Variants in ADTRP observed in about 807,000 individuals in gnomAD.
The protein encoded by ADTRP is androgen-dependent TFPI-regulating protein.
In ADTRP, 20 loss-of-function variants were observed where a neutral mutation model predicts 27.0. The observed-to-expected ratio is 0.74, with a 90% CI of 0.52 to 1.08. The LOEUF is 1.08. Ranked by LOEUF, ADTRP falls within the 50% of genes least tolerant of loss-of-function variation. The probability of loss-of-function intolerance (pLI) is 0.00; values close to 1 mark genes in which losing one functional copy is unlikely to be tolerated. For missense variants in ADTRP, 251 were observed against 275.0 expected (o/e 0.91, Z 0.62); for synonymous variants, 101 against 105.2 (o/e 0.96, Z 0.25).
chr6:11,771,084 A>C (rs1763760498), intron 1 of ADTRP, among the ~76,000 whole-genome samples: 1 of 152,192 alleles, frequency 6.6e-6, no homozygotes, highest in South Asian at 2.1e-4. Context: ...TGCCTCTCCC[A>C]GTCACAGGAT....
At chr6:11,715,806 CTTTTTTTTTT>C (rs55961408) in intron 5 of ADTRP, among the ~76,000 whole-genome samples, 3 of 77,728 alleles carry the variant, frequency 3.9e-5, no homozygotes, top group Non-Finnish European at 6.6e-5. Context: ...CCATGCCCAG[CTTTTTTTTTT>C]TTTTTTTTTT....
intron 3 of ADTRP, among the ~76,000 whole-genome samples, chr6:11,757,709 A>G (rs1437521025): frequency 6.6e-6 from 1 of 152,208 alleles, no homozygotes; most frequent in Non-Finnish European, 1.5e-5. Context: ...AACAGGGGAA[A>G]TGTCATGTGA....
chr6:11,716,503 G>C (rs188346103), intron 5 of ADTRP, among the ~76,000 whole-genome samples: 1 of 152,208 alleles, frequency 6.6e-6, no homozygotes, highest in Admixed American at 6.5e-5. Context: ...AGAAGGCACT[G>C]TTCCCAAATG....
intron 4 of ADTRP, among the ~76,000 whole-genome samples, chr6:11,734,966 G>A (rs1196196869): frequency 6.6e-6 from 1 of 152,188 alleles, no homozygotes; most frequent in African/African-American, 2.4e-5. Context: ...TGGGTGAAAG[G>A]CCAAGCACGT....
chr6:11,762,391 T>C (rs1186988316), intron 3 of ADTRP, among the ~76,000 whole-genome samples: 1 of 152,234 alleles, frequency 6.6e-6, no homozygotes, highest in Non-Finnish European at 1.5e-5. Context: ...GATTTAAGAT[T>C]GCTAGATGTC....
At chr6:11,755,172 T>A in intron 3 of ADTRP, 2 of 639,444 alleles carry the variant, frequency 3.1e-6, no homozygotes, top group Non-Finnish European at 3.9e-6. Flanking sequence ...TAATTTTAAT[T>A]ACTAAAATTC....
intron 3 of ADTRP, chr6:11,735,968 T>G (rs1581328384): frequency 5.3e-5 from 14 of 264,736 alleles, no homozygotes; most frequent in Non-Finnish European, 5.9e-5. Flanking sequence ...TTGGCGGGGG[T>G]GGGGGGTGGA....
intron 5 of ADTRP, chr6:11,717,162 T>C (rs1761859662): frequency 2.4e-6 from 2 of 850,566 alleles, no homozygotes; most frequent in Non-Finnish European, 3.1e-6. Flanking sequence ...ATTATAAATA[T>C]TTTCTTGATT....
At chr6:11,753,875 G>T (rs1024635477) in intron 3 of ADTRP, among the ~76,000 whole-genome samples, 10 of 152,188 alleles carry the variant, frequency 6.6e-5, no homozygotes, top group Non-Finnish European at 1.0e-4. Flanking sequence ...CTCCTGATCA[G>T]TAGGCCTGTT....
chr6:11,768,213 T>C, intron 2 of ADTRP, 36 bp downstream of exon 2: 1 of 1,611,950 alleles, frequency 6.2e-7, no homozygotes, highest in Non-Finnish European at 8.5e-7. Flanking sequence ...CATATGCACA[T>C]TTCTGTTAGA....
intron 3 of ADTRP, among the ~76,000 whole-genome samples, chr6:11,762,174 A>G (rs1344751060): frequency 6.6e-6 from 1 of 152,212 alleles, no homozygotes; most frequent in African/African-American, 2.4e-5. Context: ...CATCCCTGGG[A>G]GACGGCTCAA....
At chr6:11,760,827 T>C (rs1222297951) in intron 3 of ADTRP, among the ~76,000 whole-genome samples, 2 of 152,224 alleles carry the variant, frequency 1.3e-5, no homozygotes, top group African/African-American at 4.8e-5. Flanking sequence ...ACTCCTTCCC[T>C]GTGGCTTAGG....
intron 4 of ADTRP, among the ~76,000 whole-genome samples, chr6:11,734,772 A>G (rs1279658766): frequency 6.6e-6 from 1 of 152,192 alleles, no homozygotes; most frequent in Non-Finnish European, 1.5e-5. Flanking sequence ...ACTTCCCCGC[A>G]TATAGGGATC....
intron 3 of ADTRP, among the ~76,000 whole-genome samples, chr6:11,765,910 T>G (rs1763556563): frequency 6.7e-6 from 1 of 150,014 alleles, no homozygotes; most frequent in Non-Finnish European, 1.5e-5. Context: ...TCTTTGGATG[T>G]TGGGGTGGGC....
intron 3 of ADTRP, 138 bp from the exon 4 acceptor site, chr6:11,735,821 C>T (rs970630022): frequency 4.7e-6 from 3 of 639,292 alleles, no homozygotes; most frequent in Non-Finnish European, 8.4e-6. Context: ...CCTAGATGCC[C>T]AAGGACCTAC....
At chr6:11,735,453 TA>T in intron 4 of ADTRP, 114 bp downstream of exon 4, 1 of 732,976 alleles carries the variant, frequency 1.4e-6, no homozygotes. Context: ...TAAACATGAT[TA>T]AATCCTTATT....
intron 4 of ADTRP, among the ~76,000 whole-genome samples, chr6:11,728,175 T>C (rs184057855): frequency 2.0e-4 from 30 of 152,218 alleles, no homozygotes; most frequent in African/African-American, 7.2e-4. Flanking sequence ...TCCATTTGGG[T>C]TTCTGTCATT....
intron 1 of ADTRP, among the ~76,000 whole-genome samples, chr6:11,778,162 GT>G (rs1300473554): frequency 2.0e-5 from 3 of 152,228 alleles, no homozygotes; most frequent in African/African-American, 7.2e-5. Context: ...AGATAAATCT[GT>G]TAGTCTGTGT....
At chr6:11,732,504 G>A (rs974767144) in intron 4 of ADTRP, among the ~76,000 whole-genome samples, 1 of 152,212 alleles carries the variant, frequency 6.6e-6, no homozygotes, top group African/African-American at 2.4e-5. Flanking sequence ...CTGCGTAAGG[G>A]TGGGGTTGGC....
Sources: gnomAD v4.1 joint callset for allele counts (sites outside exome capture counted in the v4.1 genomes callset) on GRCh38, gnomAD v4.1.1 for gene constraint, MANE v1.5 for transcripts, NCBI Gene and HGNC (gene_info 2026-07-23, HGNC 2026-07-21) for gene names.